ENTPD3: variants seen among roughly 807,000 people sequenced by gnomAD.
ENTPD3 encodes the protein ectonucleoside triphosphate diphosphohydrolase 3, also known as CD39 antigen-like 3.
In ENTPD3, 60 loss-of-function variants were observed where a neutral mutation model predicts 51.2. That is an observed-to-expected ratio of 1.17 (90% CI 0.95 to 1.45). The LOEUF (loss-of-function observed/expected upper bound fraction) is 1.45, where lower values mean the gene tolerates loss of function less well. ENTPD3 is among the 40% of genes most tolerant of loss of function. The pLI is 0.00. For missense variants in ENTPD3, 593 were observed against 641.1 expected (o/e 0.93, Z 0.81); for synonymous variants, 221 against 238.4 (o/e 0.93, Z 0.67).
At chr3:40,388,203 AC>A in intron 2 of ENTPD3, 106 bp downstream of exon 2, 1 of 1,080,326 alleles carries the variant, frequency 9.3e-7, no homozygotes, top group South Asian at 1.3e-5. Context: ...TGATTGTTTA[AC>A]TTTATTGGTT....
chr3:40,403,326 C>T (rs1335109195), intron 4 of ENTPD3, among the ~76,000 whole-genome samples: 3 of 152,086 alleles, frequency 2.0e-5, no homozygotes, highest in Non-Finnish European at 2.9e-5. Flanking sequence ...TAGAGATGCA[C>T]TATTATAGCA....
chr3:40,398,782 T>C (rs1269127011), intron 3 of ENTPD3, among the ~76,000 whole-genome samples: 1 of 152,126 alleles, frequency 6.6e-6, no homozygotes, highest in Non-Finnish European at 1.5e-5. Context: ...TAATAAAAAG[T>C]TGGAAACCTC....
At chr3:40,423,177 C>G (rs938029294) in intron 8 of ENTPD3, 55 bp downstream of exon 8, 1 of 1,582,076 alleles carries the variant, frequency 6.3e-7, no homozygotes, top group Non-Finnish European at 8.6e-7. Flanking sequence ...TCATTTCTCA[C>G]TTTTCTGTTT....
In ENTPD3 at chr3:40,422,960, A is replaced by C. The variant is rs1180149771; in HGVS notation, c.942A>C (p.Pro314=). The change falls in exon 8 of 11, where the codon CCA becomes CCC. Residue 314 remains proline (P), a synonymous_variant. Coordinates refer to ENST00000301825, the MANE Select transcript of ENTPD3 (RefSeq NM_001248.4). ...GCCTGTGCACTGTGGACCAGAGGCC[A>C]GAAAGTTATAACCCCAATGATGTCA... is the stretch of plus-strand genomic sequence containing the variant. The part of the protein sequence containing the change: ...FDSLCTVDQR[P]ESYNPNDVIT... 4.3e-6 allele frequency: 7 copies of C among 1,614,040 alleles called. No individual in the cohort carries two copies. The East Asian group carries it at 1.6e-4, about 36-fold the overall frequency.
rs751703237 is a variant in ENTPD3, at chr3:40,427,362, A to T, written c.1444A>T (p.Ile482Leu). ...TGAAAGCCCTCTGATCCGTCTGCCC[A>T]TAGAACCACCTGTCTTTGTGGGCAC... The part of the protein sequence containing the change: ...PAESPLIRLP[I>L]EPPVFVGTLA... Residue 482 changes from isoleucine to leucine, a missense_variant, in exon 11 of 11, where the codon ATA becomes TTA. By Grantham distance (5) the Ile-to-Leu change is conservative. Transcript: ENST00000301825. The T allele has an allele frequency of 6.2e-7, 1 of 1,614,152 alleles. No homozygotes were observed. The highest frequency in any genetic ancestry group is 8.5e-7 in the Non-Finnish European group (1 of 1,180,036).
chr3:40,418,762 T>C (rs1411943091), intron 7 of ENTPD3, among the ~76,000 whole-genome samples: 1 of 152,194 alleles, frequency 6.6e-6, no homozygotes, highest in Non-Finnish European at 1.5e-5. Flanking sequence ...GTGTAAAAAC[T>C]TGGCTTCATA....
chr3:40,417,016 C>A (rs1446830340), intron 7 of ENTPD3, among the ~76,000 whole-genome samples: 1 of 152,142 alleles, frequency 6.6e-6, no homozygotes, highest in Non-Finnish European at 1.5e-5. Context: ...CAACTTCAGA[C>A]CCCTGCATTT....
At chr3:40,426,089 T>C (rs557459534) in intron 10 of ENTPD3, among the ~76,000 whole-genome samples, 1 of 147,592 alleles carries the variant, frequency 6.8e-6, no homozygotes, top group African/African-American at 2.5e-5. Context: ...CACAGAGATA[T>C]CTTTTTCTTT....
At position 40,427,602 on chromosome 3, in the gene ENTPD3, CAACT is replaced by C. The variant is rs757933126; in HGVS notation, c.*101_*104del. The C allele has an allele frequency of 1.0e-4, 92 of 919,512 alleles. No homozygotes were observed. The highest frequency in any genetic ancestry group is 1.5e-4 in the Non-Finnish European group (85 of 573,024). 57.0% of individuals were successfully genotyped at this position (919,512 alleles called of 1,614,324 possible). On this transcript the variant is annotated 3_prime_UTR_variant, in exon 11 of 11. Coordinates refer to ENST00000301825, the MANE Select transcript of ENTPD3 (RefSeq NM_001248.4). Reference sequence around the variant, plus strand: ...GTGAAGTGGCTGCCTTCAGGAAATACAACTAACTAAAATCAAACACCTAGGTCAC... The same window carrying C: ...GTGAAGTGGCTGCCTTCAGGAAATACAACTAAAATCAAACACCTAGGTCAC...
At chr3:40,405,865 T>C (rs1207902802) in intron 4 of ENTPD3, among the ~76,000 whole-genome samples, 3 of 152,202 alleles carry the variant, frequency 2.0e-5, no homozygotes, top group African/African-American at 7.2e-5. Context: ...GCCAATCTCC[T>C]TACTACAGAG....
At chr3:40,414,964 C>T in intron 6 of ENTPD3, 124 bp downstream of exon 6, 1 of 958,390 alleles carries the variant, frequency 1.0e-6, no homozygotes, top group Non-Finnish European at 1.6e-6. Flanking sequence ...CCATGTAACG[C>T]ATTAGGGAAA....
In ENTPD3 at chr3:40,423,119, T is replaced by A. The variant is rs773524551; in HGVS notation, c.1101T>A (p.Phe367Leu). 1 of 1,610,260 alleles carries A rather than the reference T, an allele frequency of 6.2e-7. No homozygotes were observed. Among genetic ancestry groups the A allele is most frequent in the Non-Finnish European group, 8.5e-7 (1 of 1,177,526 alleles). The change falls in exon 8 of 11, where the codon TTT becomes TTA. Residue 367 changes from phenylalanine (F) to leucine (L), a missense_variant. Phe to Leu is a conservative substitution (Grantham distance 22). Transcript: ENST00000301825. ...ATCAGCCAAAGATTAAAGGGCCATT[T>A]GTGGTAAGAGCAAAACCTTCTGAAA... ...GVYQPKIKGP[F>L]VAFAGFYYTA...
At chr3:40,423,617 C>G (rs983576450) in intron 9 of ENTPD3, among the ~76,000 whole-genome samples, 1 of 152,156 alleles carries the variant, frequency 6.6e-6, no homozygotes, top group Non-Finnish European at 1.5e-5. Flanking sequence ...ATATAATAAG[C>G]ACTCAATGAG....
intron 1 of ENTPD3, among the ~76,000 whole-genome samples, chr3:40,387,601 A>T (rs942286140): frequency 6.6e-6 from 1 of 152,170 alleles, no homozygotes; most frequent in African/African-American, 2.4e-5. Context: ...ATTTCCAGCC[A>T]GCAGCTAAAG....
chr3:40,408,861 A>C (rs1435643638), intron 4 of ENTPD3, among the ~76,000 whole-genome samples: 1 of 152,076 alleles, frequency 6.6e-6, no homozygotes, highest in East Asian at 1.9e-4. Flanking sequence ...GCAAGACCCC[A>C]TCTTTATTTA....
At chr3:40,414,526 CAAA>C (rs1489381397) in intron 5 of ENTPD3, among the ~76,000 whole-genome samples, 152 bp from the exon 6 acceptor site, 1 of 152,206 alleles carries the variant, frequency 6.6e-6, no homozygotes, top group African/African-American at 2.4e-5. Flanking sequence ...CTTCAACTTG[CAAA>C]AGGGATTGTG....
chr3:40,401,249 C>T (rs1397931462), intron 4 of ENTPD3, among the ~76,000 whole-genome samples: 2 of 152,198 alleles, frequency 1.3e-5, no homozygotes, highest in African/African-American at 2.4e-5. Context: ...AAAGGGGTGG[C>T]GTCAAGAACT....
chr3:40,421,321 G>A (rs1256293682), intron 7 of ENTPD3, among the ~76,000 whole-genome samples: 4 of 152,154 alleles, frequency 2.6e-5, no homozygotes, highest in African/African-American at 7.2e-5. Context: ...ATCACACCCA[G>A]CCAAAAGAAA....
rs201978476 is a variant in ENTPD3 at position 40,427,314 on chromosome 3, A to G, written c.1396A>G (p.Ser466Gly). 1.4e-5 allele frequency: 22 copies of G among 1,614,172 alleles called. No homozygotes were observed. In the South Asian group the frequency reaches 2.3e-4, roughly 17 times the overall value. Residue 466 changes from serine (S) to glycine (G), a missense_variant, in exon 11 of 11, where the codon AGC becomes GGC. Physicochemically the swap from Ser to Gly is moderately conservative, Grantham distance 56. Transcript: ENST00000301825. ...SIAWSLGYML[S>G]LTNQIPAESP... ...AGCCTGGTCTCTTGGCTACATGCTC[A>G]GCCTGACCAACCAGATCCCAGCTGA...
Sources: gnomAD v4.1 joint callset for allele counts (sites outside exome capture counted in the v4.1 genomes callset) on GRCh38, gnomAD v4.1.1 for gene constraint, MANE v1.5 for transcripts, NCBI Gene and HGNC (gene_info 2026-07-23, HGNC 2026-07-21) for gene names.